TUB: variants seen among roughly 807,000 people sequenced by gnomAD.
TUB encodes TUB bipartite transcription factor.
A neutral mutation model predicts 59.7 loss-of-function variants in TUB; 33 were observed. The ratio of observed to expected loss-of-function variants is 0.55; its 90% CI spans 0.42 to 0.74. The LOEUF (loss-of-function observed/expected upper bound fraction) is 0.74, where lower values mean the gene tolerates loss of function less well. Ranked by LOEUF, TUB falls within the 30% of genes least tolerant of loss-of-function variation. The probability of loss-of-function intolerance (pLI) is 0.00; values close to 1 mark genes in which losing one functional copy is unlikely to be tolerated. For synonymous variants in TUB, 293 were observed against 256.4 expected, an observed-to-expected ratio of 1.14 and a Z score of -1.36; for missense variants, 659 against 672.0, an observed-to-expected ratio of 0.98 and a Z score of 0.21.
At chr11:8,040,417 G>A (rs942738767) in intron 2 of TUB, among the ~76,000 whole-genome samples, 7 of 152,090 alleles carry the variant, frequency 4.6e-5, no homozygotes, top group Non-Finnish European at 1.0e-4. Flanking sequence ...TCCTTCCAAG[G>A]GACCAGGCCA....
At chr11:8,053,563 C>T (rs561184107) in intron 2 of TUB, among the ~76,000 whole-genome samples, 3 of 151,614 alleles carry the variant, frequency 2.0e-5, no homozygotes, top group Admixed American at 6.6e-5. Context: ...TGCAGTTGCA[C>T]GATCTCGGCT....
At chr11:8,066,426 C>T (rs1943243564) in intron 2 of TUB, among the ~76,000 whole-genome samples, 1 of 152,218 alleles carries the variant, frequency 6.6e-6, no homozygotes, top group Non-Finnish European at 1.5e-5. Flanking sequence ...AGCCCCTGTA[C>T]AGCTCCACAG....
At chr11:8,056,885 T>C (rs1943028882) in intron 2 of TUB, among the ~76,000 whole-genome samples, 1 of 151,958 alleles carries the variant, frequency 6.6e-6, no homozygotes, top group African/African-American at 2.4e-5. Context: ...CGAACTACAG[T>C]ATGTAGGCCA....
chr11:8,019,332 G>A, exon 1 of TUB: 3 of 1,282,686 alleles, frequency 2.3e-6, no homozygotes, highest in Non-Finnish European at 2.0e-6. Flanking sequence ...ACCGGACCCT[G>A]TCTTACAGCC....
intron 5 of TUB, 27 bp downstream of exon 5, chr11:8,095,692 C>T (rs566484955): frequency 3.8e-6 from 6 of 1,562,584 alleles, no homozygotes; most frequent in Non-Finnish European, 1.7e-6. Flanking sequence ...CCCAGTGATA[C>T]CCCCAAAACT....
chr11:8,080,872 G>A (rs1012601521), upstream of TUB, among the ~76,000 whole-genome samples: 1 of 152,188 alleles, frequency 6.6e-6, no homozygotes, highest in Non-Finnish European at 1.5e-5. Context: ...CTCCATCCGC[G>A]CCTCCGGCCC....
At chr11:8,085,328 G>T (rs1393355776) in intron 1 of TUB, among the ~76,000 whole-genome samples, 1 of 152,236 alleles carries the variant, frequency 6.6e-6, no homozygotes, top group African/African-American at 2.4e-5. Flanking sequence ...GACCAAGTCA[G>T]GGCTTAGTCC....
intron 1 of TUB, chr11:8,039,047 G>A (rs1377818967): frequency 5.6e-6 from 9 of 1,609,850 alleles, no homozygotes; most frequent in Admixed American, 1.7e-5. Flanking sequence ...TCAACATCCT[G>A]CCTTTAGCCC....
intron 2 of TUB, among the ~76,000 whole-genome samples, chr11:8,057,511 A>T (rs140720114): frequency 1.2e-4 from 18 of 152,380 alleles, no homozygotes; most frequent in African/African-American, 3.8e-4. Flanking sequence ...GTCTAAAGAC[A>T]TAAGTGATTA....
chr11:8,053,645 C>T (rs1193763184), intron 2 of TUB, among the ~76,000 whole-genome samples: 1 of 150,692 alleles, frequency 6.6e-6, no homozygotes, highest in South Asian at 2.1e-4. Flanking sequence ...GGACTACCGG[C>T]GCCCGCCACG....
intron 1 of TUB, among the ~76,000 whole-genome samples, chr11:8,086,196 G>A (rs528518671): frequency 1.4e-4 from 22 of 152,214 alleles, no homozygotes; most frequent in Non-Finnish European, 2.1e-4. Flanking sequence ...GGGCTTGGCA[G>A]TTATTCCATA....
intron 11 of TUB, 68 bp downstream of exon 11, chr11:8,101,065 CCACCTAG>C: frequency 1.3e-6 from 2 of 1,562,540 alleles, no homozygotes; most frequent in South Asian, 2.3e-5. Flanking sequence ...AGGGTTCAGC[CCACCTAG>C]CCCTGCCTAC....
In TUB at chr11:8,101,529, G is replaced by A. The variant is rs778822103; in HGVS notation, c.1431G>A (p.Val477=). The change falls in exon 12 of 12, where the codon GTG becomes GTA. Residue 477 remains valine, a synonymous_variant. Transcript: ENST00000299506. ...AGTTTGGCCGGGTAGCAGAGGATGT[G>A]TTCACCATGGATTACAACTACCCGC... ...VMQFGRVAED[V]FTMDYNYPLC... 6.2e-7 allele frequency: 1 copy of A among 1,614,120 alleles called. No homozygotes were observed. The highest frequency in any genetic ancestry group is 8.5e-7 in the Non-Finnish European group (1 of 1,180,058).
At chr11:8,068,568 G>A (rs7124782) in intron 2 of TUB, 44,074 of 152,406 alleles carry the variant, frequency 0.29, 10,231 homozygotes, top group African/African-American at 0.65. Context: ...CAGGCAGGCC[G>A]TCCACCCCAA....
At chr11:8,089,756 G>A (rs551183567) in intron 2 of TUB, 95 bp downstream of exon 2, 53 of 1,477,634 alleles carry the variant, frequency 3.6e-5, no homozygotes, top group East Asian at 1.4e-4. Context: ...GGATGATCCC[G>A]TCTGATTGGG....
At chr11:8,022,625 C>T (rs1320705493) in intron 1 of TUB, among the ~76,000 whole-genome samples, 1 of 152,184 alleles carries the variant, frequency 6.6e-6, no homozygotes, top group African/African-American at 2.4e-5. Flanking sequence ...CGCGGTGGCT[C>T]AGGCCTGTAA....
chr11:8,093,892 GC>G (rs1943866651), intron 3 of TUB, among the ~76,000 whole-genome samples, 153 bp from the exon 4 acceptor site: 1 of 152,150 alleles, frequency 6.6e-6, no homozygotes, highest in East Asian at 1.9e-4. Context: ...AGATGAGTGG[GC>G]CTGATCCTGT....
intron 3 of TUB, among the ~76,000 whole-genome samples, chr11:8,092,567 A>G (rs955805472): frequency 2.0e-5 from 3 of 152,142 alleles, no homozygotes; most frequent in African/African-American, 7.2e-5. Flanking sequence ...GGTGTGTTCC[A>G]AGGTCCAAAA....
At position 8,093,637 on chromosome 11, in the gene TUB, C is replaced by A. The variant is rs572102947; in HGVS notation, c.254-409C>A. Among the ~76,000 whole-genome samples the A allele has an allele frequency of 3.3e-5, 5 of 152,320 alleles. No individual in the cohort carries two copies. The East Asian group carries it at 9.7e-4, about 29-fold the overall frequency. On this transcript the variant is annotated intron_variant, in intron 3 of 11. Transcript: ENST00000299506. ...CCTCGTAGGCTCCCTGGAGTGCTTG[C>A]CCTGGTTGTGGTCTCTTCCAGAAGA...
Sources: allele counts gnomAD v4.1 joint callset (sites outside exome capture counted in the v4.1 genomes callset), GRCh38; gene constraint gnomAD v4.1.1; transcripts MANE v1.5; gene names NCBI Gene and HGNC (gene_info 2026-07-23, HGNC 2026-07-21).